HHLA2: variants seen among roughly 807,000 people sequenced by gnomAD.
HHLA2 encodes the protein HERV-H LTR-associating protein 2.
In HHLA2, 48 loss-of-function variants were observed where a neutral mutation model predicts 45.9. That is an observed-to-expected ratio of 1.05 (90% CI 0.83 to 1.33). The LOEUF (loss-of-function observed/expected upper bound fraction) is 1.33, where lower values mean the gene tolerates loss of function less well. HHLA2 is among the 40% of genes most tolerant of loss of function. The probability of loss-of-function intolerance (pLI) is 0.00; values close to 1 mark genes in which losing one functional copy is unlikely to be tolerated. For synonymous variants in HHLA2, 161 were observed against 173.9 expected (o/e 0.93, Z 0.59); for missense variants, 462 against 494.3 (o/e 0.93, Z 0.62).
intron 3 of HHLA2, among the ~76,000 whole-genome samples, chr3:108,329,780 T>C (rs1445795870): frequency 6.6e-6 from 1 of 152,184 alleles, no homozygotes; most frequent in Non-Finnish European, 1.5e-5. Flanking sequence ...CACAGGCATC[T>C]TTCACTCTTC....
Position 108,364,822 on chromosome 3 carries a change from C to T in HHLA2, c.1108+2376C>T, listed in dbSNP as rs540594328. Among the ~76,000 whole-genome samples the T allele has an allele frequency of 2.0e-4, 31 of 152,204 alleles. 1 individual carries two copies. The highest frequency in any genetic ancestry group is 1.6e-3 in the Admixed American group (25 of 15,276). On this transcript the variant is annotated intron_variant, in intron 8 of 10. Transcript: ENST00000619531. ...TTGAGAAGTGTCTGTTCATATCCTT[C>T]ACCCACTTTTTGATGGGGCTGTTTA...
chr3:108,337,801 T>C (rs1018470224), intron 3 of HHLA2, among the ~76,000 whole-genome samples: 1 of 152,134 alleles, frequency 6.6e-6, no homozygotes, highest in Non-Finnish European at 1.5e-5. Flanking sequence ...CTCTTTTTGG[T>C]GCTTGGTCAT....
At chr3:108,356,129 A>C (rs1195251730) in intron 6 of HHLA2, among the ~76,000 whole-genome samples, 2 of 145,008 alleles carry the variant, frequency 1.4e-5, no homozygotes, top group Non-Finnish European at 3.0e-5. Flanking sequence ...TCCCAGTTTC[A>C]AGTGATTCTC....
At chr3:108,312,100 C>T (rs751663643) in intron 2 of HHLA2, among the ~76,000 whole-genome samples, 1 of 152,172 alleles carries the variant, frequency 6.6e-6, no homozygotes, top group Non-Finnish European at 1.5e-5. Flanking sequence ...TTCTTACTTC[C>T]TGAGGTGTCC....
chr3:108,345,417 T>A (rs2081643936), intron 3 of HHLA2, among the ~76,000 whole-genome samples: 1 of 152,226 alleles, frequency 6.6e-6, no homozygotes, highest in African/African-American at 2.4e-5. Flanking sequence ...TGTAGGTGAT[T>A]AACTGCAAAT....
intron 1 of HHLA2, among the ~76,000 whole-genome samples, chr3:108,297,149 AT>A (rs1221687309): frequency 6.6e-6 from 1 of 152,170 alleles, no homozygotes; most frequent in Non-Finnish European, 1.5e-5. Context: ...AGTTTATGTC[AT>A]TTTTTAATAA....
At chr3:108,336,699 T>G (rs979028824) in intron 3 of HHLA2, among the ~76,000 whole-genome samples, 6 of 151,984 alleles carry the variant, frequency 3.9e-5, no homozygotes, top group African/African-American at 1.2e-4. Flanking sequence ...TTACTTTTCC[T>G]CATGTGCTCA....
intron 7 of HHLA2, among the ~76,000 whole-genome samples, chr3:108,359,451 TA>T (rs1247746393): frequency 6.6e-6 from 1 of 152,192 alleles, no homozygotes; most frequent in Non-Finnish European, 1.5e-5. Flanking sequence ...GTACCTTAAA[TA>T]TCATCCTTTC....
chr3:108,335,175 TG>T (rs2081449989), intron 3 of HHLA2, among the ~76,000 whole-genome samples: 1 of 152,202 alleles, frequency 6.6e-6, no homozygotes, highest in African/African-American at 2.4e-5. Context: ...TTAGATTCTA[TG>T]ATCAGGGATC....
chr3:108,298,305 A>G (rs574277672), intron 1 of HHLA2, among the ~76,000 whole-genome samples: 1 of 152,298 alleles, frequency 6.6e-6, no homozygotes, highest in Non-Finnish European at 1.5e-5. Context: ...CATTCCGTTT[A>G]ACTGGGGCTA....
intron 2 of HHLA2, among the ~76,000 whole-genome samples, chr3:108,312,118 G>A (rs1486065526): frequency 6.6e-6 from 1 of 151,860 alleles, no homozygotes; most frequent in Non-Finnish European, 1.5e-5. Flanking sequence ...TCCTGCCAGA[G>A]GCTGCCTCTC....
chr3:108,345,522 C>T (rs1439803841), intron 3 of HHLA2, among the ~76,000 whole-genome samples: 1 of 152,226 alleles, frequency 6.6e-6, no homozygotes, highest in African/African-American at 2.4e-5. Context: ...CTGGGTTTCT[C>T]TTGTCTCTTG....
chr3:108,320,715 G>A (rs1466728306), intron 2 of HHLA2, among the ~76,000 whole-genome samples: 4 of 152,136 alleles, frequency 2.6e-5, no homozygotes, highest in Non-Finnish European at 5.9e-5. Context: ...ACCGCTGTTA[G>A]GTAAAGTTGT....
In HHLA2 at chr3:108,363,581, C is replaced by T. The variant is rs548230572; in HGVS notation, c.1108+1135C>T. Among the ~76,000 whole-genome samples, 8 of 152,258 alleles carry T rather than the reference C, an allele frequency of 5.3e-5. No individual in the cohort carries two copies. The East Asian group carries it at 7.7e-4, about 15-fold the overall frequency. On this transcript the variant is annotated intron_variant, in intron 8 of 10. Coordinates refer to ENST00000619531, the Ensembl canonical transcript of HHLA2. ...CACCAATTCTAGCCCTGTGATCATT[C>T]GTACTAATAAGCAGGATAGTTCCTG...
intron 2 of HHLA2, among the ~76,000 whole-genome samples, chr3:108,316,753 T>A (rs1252699231): frequency 6.6e-6 from 1 of 152,228 alleles, no homozygotes; most frequent in Admixed American, 6.5e-5. Flanking sequence ...GAAATTACTA[T>A]GCTTACTAAA....
chr3:108,370,372 G>A (rs919470094), intron 8 of HHLA2, among the ~76,000 whole-genome samples: 1 of 152,114 alleles, frequency 6.6e-6, no homozygotes, highest in African/African-American at 2.4e-5. Context: ...CCACAAAGAT[G>A]GGGAAAAAAC....
At chr3:108,319,899 G>A (rs184671536) in intron 2 of HHLA2, among the ~76,000 whole-genome samples, 36 of 152,244 alleles carry the variant, frequency 2.4e-4, no homozygotes, top group Admixed American at 1.1e-3. Flanking sequence ...CCATCCCTGT[G>A]GAGCAGATTC....
At chr3:108,314,341 T>TAA (rs35811968) in intron 2 of HHLA2, among the ~76,000 whole-genome samples, 10,221 of 146,262 alleles carry the variant, frequency 0.07, 453 homozygotes, top group Non-Finnish European at 0.094. Flanking sequence ...TACTGTCTCT[T>TAA]AAAAAAAAAA....
chr3:108,308,151 C>A (rs2080961814), intron 1 of HHLA2, among the ~76,000 whole-genome samples: 1 of 152,194 alleles, frequency 6.6e-6, no homozygotes, highest in African/African-American at 2.4e-5. Context: ...TCCCCACCTT[C>A]CCCGCAACCA....
Sources: gnomAD v4.1 joint callset for allele counts (sites outside exome capture counted in the v4.1 genomes callset) on GRCh38, gnomAD v4.1.1 for gene constraint, MANE v1.5 for transcripts, NCBI Gene and HGNC (gene_info 2026-07-23, HGNC 2026-07-21) for gene names.